Variants in HIVEP3 observed in about 807,000 individuals in gnomAD.
The protein encoded by HIVEP3 is HIVEP zinc finger 3, also known as transcription factor HIVEP3.
A neutral mutation model predicts 152.8 loss-of-function variants in HIVEP3; 49 were observed. The observed-to-expected ratio is 0.32, with a 90% CI of 0.26 to 0.41. The LOEUF (loss-of-function observed/expected upper bound fraction) is 0.41, where lower values mean the gene tolerates loss of function less well. Among genes scored for constraint, HIVEP3 ranks in the 10% least tolerant of loss-of-function variants. The pLI, the probability that HIVEP3 is intolerant of heterozygous loss-of-function variation, is 1.00. For missense variants in HIVEP3, 2,790 were observed against 3,103.3 expected, an observed-to-expected ratio of 0.90 and a Z score of 2.40; for synonymous variants, 1,269 against 1,289.0, an observed-to-expected ratio of 0.98 and a Z score of 0.33.
intron 1 of HIVEP3, among the ~76,000 whole-genome samples, chr1:41,989,751 CTT>C (rs1014001151): frequency 1.3e-5 from 2 of 151,772 alleles, no homozygotes; most frequent in African/African-American, 4.8e-5. Flanking sequence ...CAACCCCTGC[CTT>C]TTTTTGTTTT....
In HIVEP3 at chr1:41,633,850, C is replaced by A. The variant is rs12036848; in HGVS notation, c.-720-4903G>T. 1.5e-3 allele frequency among the ~76,000 whole-genome samples: 224 copies of A among 152,288 alleles called. 10 individuals carry two copies. The East Asian group carries it at 0.042, about 28-fold the overall frequency. ...ACAGGCCAAAGCCCTCTGGAATCAG[C>A]ACCCTCCCTTCGGCAAGTGAGTAAT... On this transcript the variant is annotated intron_variant, in intron 2 of 8. Transcript: ENST00000372583.
At chr1:41,803,871 T>G (rs1216244056) in intron 1 of HIVEP3, among the ~76,000 whole-genome samples, 1 of 152,204 alleles carries the variant, frequency 6.6e-6, no homozygotes, top group East Asian at 1.9e-4. Flanking sequence ...GGGCACTGGG[T>G]GCATTTTTAA....
chr1:41,803,313 A>T (rs1309386416), intron 1 of HIVEP3, among the ~76,000 whole-genome samples: 4 of 152,166 alleles, frequency 2.6e-5, no homozygotes, highest in Non-Finnish European at 4.4e-5. Flanking sequence ...AAGTCTTGCA[A>T]TGTCTTTATA....
At chr1:41,699,281 G>A (rs936152099) in intron 2 of HIVEP3, among the ~76,000 whole-genome samples, 3 of 152,188 alleles carry the variant, frequency 2.0e-5, no homozygotes, top group Non-Finnish European at 2.9e-5. Context: ...TGGTTCCACC[G>A]CTCCTCAAAG....
At position 41,674,209 on chromosome 1, in the gene HIVEP3, C is replaced by T. The variant is rs554817757; in HGVS notation, c.-721+26707G>A. On this transcript the variant is annotated intron_variant, in intron 2 of 8. Transcript: ENST00000372583. ...CCCGCCAGGTCTCCAATGCCCAGTCCAGTGCCTGATGTTTGTTAAATGATC... is the reference window on the plus strand; with the variant it reads ...CCCGCCAGGTCTCCAATGCCCAGTCTAGTGCCTGATGTTTGTTAAATGATC... 5.9e-5 allele frequency among the ~76,000 whole-genome samples: 9 copies of T among 152,356 alleles called. No individual in the cohort carries two copies. The South Asian group carries it at 1.9e-3, about 32-fold the overall frequency.
intron 1 of HIVEP3, among the ~76,000 whole-genome samples, chr1:41,701,455 T>TCCTAGATCCA (rs1646361017): frequency 6.6e-6 from 1 of 152,222 alleles, no homozygotes; most frequent in African/African-American, 2.4e-5. Context: ...TCTCTGAGTG[T>TCCTAGATCCA]GACAGCCTAG....
In HIVEP3 at chr1:41,828,993, A is replaced by C. The variant is rs552885177; in HGVS notation, c.-801+89420T>G. 5.9e-5 allele frequency among the ~76,000 whole-genome samples: 9 copies of C among 152,346 alleles called. No individual in the cohort carries two copies. In the South Asian group the frequency reaches 1.5e-3, roughly 25 times the overall value. On this transcript the variant is annotated intron_variant, in intron 1 of 8. Transcript: ENST00000372583. ...ATTGCCCAACCCTCCTGCAAGGCAG[A>C]GTTCACCTGAGCTGGCTCAGGGGTG...
At chr1:41,914,423 C>T (rs1344446144) in intron 1 of HIVEP3, among the ~76,000 whole-genome samples, 1 of 152,224 alleles carries the variant, frequency 6.6e-6, no homozygotes, top group African/African-American at 2.4e-5. Context: ...GTTACCAAAA[C>T]AATGAATGTA....
At chr1:41,550,371 T>C (rs1294800363) in intron 5 of HIVEP3, among the ~76,000 whole-genome samples, 1 of 152,168 alleles carries the variant, frequency 6.6e-6, no homozygotes, top group African/African-American at 2.4e-5. Flanking sequence ...TTTTTTTTGG[T>C]TCTATATGAA....
intron 3 of HIVEP3, among the ~76,000 whole-genome samples, chr1:41,611,367 G>A (rs1644894208): frequency 6.6e-6 from 1 of 152,162 alleles, no homozygotes; most frequent in Non-Finnish European, 1.5e-5. Flanking sequence ...CACAAACTGT[G>A]GAGCAACTGG....
rs188474887 is a variant in HIVEP3, at chr1:41,552,060, C to T, written c.5207+23484G>A. ...CTCTACACACTGCTTTAAATGTGTC[C>T]CAGAGGTCCTGGTACATTGTGTCTT... is the stretch of plus-strand genomic sequence containing the variant. On this transcript the variant is annotated intron_variant, in intron 5 of 8. Coordinates refer to ENST00000372583, the MANE Select transcript of HIVEP3 (RefSeq NM_024503.5). Among the ~76,000 whole-genome samples the T allele has an allele frequency of 2.6e-5, 4 of 152,234 alleles. No individual in the cohort carries two copies. The East Asian group carries it at 7.7e-4, about 29-fold the overall frequency.
At chr1:41,607,205 T>C (rs1644833731) in intron 3 of HIVEP3, among the ~76,000 whole-genome samples, 1 of 152,186 alleles carries the variant, frequency 6.6e-6, no homozygotes, top group Non-Finnish European at 1.5e-5. Context: ...CTGTGGCTTC[T>C]AGTTCTAGAT....
At position 41,861,595 on chromosome 1, in the gene HIVEP3, G is replaced by A. The variant is rs139864627; in HGVS notation, c.-801+56818C>T. 2.6e-4 allele frequency among the ~76,000 whole-genome samples: 39 copies of A among 152,288 alleles called. No homozygotes were observed. The East Asian group carries it at 5.8e-3, about 23-fold the overall frequency. ...CTGGGGATGTGGGGAGACTGTGAGC[G>A]CCGCATGAGACAGGCTCTGCATCCT... On this transcript the variant is annotated intron_variant, in intron 1 of 8. Coordinates refer to ENST00000372583, the MANE Select transcript of HIVEP3 (RefSeq NM_024503.5).
At chr1:41,811,961 G>C (rs1650987040) in intron 1 of HIVEP3, among the ~76,000 whole-genome samples, 1 of 152,094 alleles carries the variant, frequency 6.6e-6, no homozygotes, top group Non-Finnish European at 1.5e-5. Context: ...GAGTGCCCAA[G>C]TTACAAAGAA....
At chr1:41,685,513 C>A (rs546891426) in intron 2 of HIVEP3, among the ~76,000 whole-genome samples, 1 of 152,346 alleles carries the variant, frequency 6.6e-6, no homozygotes, top group Non-Finnish European at 1.5e-5. Flanking sequence ...ACCCCCCTCT[C>A]CAGCCACATG....
At chr1:41,665,289 T>C (rs74070002) in intron 2 of HIVEP3, among the ~76,000 whole-genome samples, 110 of 152,026 alleles carry the variant, frequency 7.2e-4, no homozygotes, top group Middle Eastern at 6.8e-3. Context: ...AAAGGCAGAG[T>C]TGAGGTGCAG....
intron 1 of HIVEP3, among the ~76,000 whole-genome samples, chr1:41,916,429 G>A (rs1052193663): frequency 3.4e-4 from 52 of 152,284 alleles, no homozygotes; most frequent in African/African-American, 1.2e-3. Context: ...AGGCTGAGGC[G>A]CTCAGGGGTG....
chr1:41,551,319 A>AT (rs1012252086), intron 5 of HIVEP3, among the ~76,000 whole-genome samples: 1 of 135,006 alleles, frequency 7.4e-6, no homozygotes. Flanking sequence ...TTCATCAGGG[A>AT]TATTGGTCTA....
chr1:41,596,640 C>G (rs1320259228), intron 3 of HIVEP3, among the ~76,000 whole-genome samples: 1 of 152,210 alleles, frequency 6.6e-6, no homozygotes, highest in Non-Finnish European at 1.5e-5. Flanking sequence ...AACTGACCAC[C>G]TACCATGCCC....
Sources: allele counts gnomAD v4.1 joint callset (sites outside exome capture counted in the v4.1 genomes callset), GRCh38; gene constraint gnomAD v4.1.1; transcripts MANE v1.5; gene names NCBI Gene and HGNC (gene_info 2026-07-23, HGNC 2026-07-21).